TMC1: variants seen among roughly 807,000 people sequenced by gnomAD.
The protein encoded by TMC1 is transmembrane channel-like protein 1.
TMC1 carries 84 observed loss-of-function variants against 105.8 expected under a neutral mutation model. That is an observed-to-expected ratio of 0.79 (90% CI 0.67 to 0.95). The LOEUF (loss-of-function observed/expected upper bound fraction) is 0.95, where lower values mean the gene tolerates loss of function less well. Among genes scored for constraint, TMC1 ranks in the 40% least tolerant of loss-of-function variants. The probability of loss-of-function intolerance (pLI) is 0.00; values close to 1 mark genes in which losing one functional copy is unlikely to be tolerated. For missense variants in TMC1, 817 were observed against 914.1 expected, an observed-to-expected ratio of 0.89 and a Z score of 1.37; for synonymous variants, 315 against 311.5, an observed-to-expected ratio of 1.01 and a Z score of -0.12.
chr9:72,832,640 AT>A lies in TMC1; in HGVS notation c.2260+1959del, dbSNP rs1175778336. On this transcript the variant is annotated intron_variant, in intron 23 of 23. Coordinates refer to ENST00000297784, the MANE Select transcript of TMC1 (RefSeq NM_138691.3). The stretch of plus-strand genomic sequence containing the variant: ...GATGCTGGGTGTCCCCAAACAACAA[AT>A]GTTCAAGACTTGGTTTTGTTGCCTT... Among the ~76,000 whole-genome samples, 3 of 152,000 alleles carry A rather than the reference AT, an allele frequency of 2.0e-5. No homozygotes were observed. The East Asian group carries it at 5.8e-4, about 29-fold the overall frequency.
chr9:72,780,636 CA>C (rs1163996414), intron 13 of TMC1, among the ~76,000 whole-genome samples: 1 of 151,948 alleles, frequency 6.6e-6, no homozygotes, highest in Non-Finnish European at 1.5e-5. Context: ...ATCTATCAAG[CA>C]AACAGAAAAC....
At chr9:72,735,839 A>G (rs1402803240) in intron 8 of TMC1, among the ~76,000 whole-genome samples, 3 of 152,204 alleles carry the variant, frequency 2.0e-5, no homozygotes, top group Admixed American at 2.0e-4. Flanking sequence ...CTTGCTAAAC[A>G]AATATTCTTG....
At chr9:72,616,197 A>T (rs1011762399) in intron 2 of TMC1, 171 bp from the exon 3 acceptor site, 21 of 152,320 alleles carry the variant, frequency 1.4e-4, no homozygotes, top group African/African-American at 5.1e-4. Flanking sequence ...CCTAGCAATG[A>T]TTTAATGCCG....
At chr9:72,674,823 T>C (rs1159800644) in intron 5 of TMC1, among the ~76,000 whole-genome samples, 2 of 152,164 alleles carry the variant, frequency 1.3e-5, no homozygotes, top group Non-Finnish European at 1.5e-5. Context: ...ATGGTCTTTG[T>C]CCATGGAATC....
At chr9:72,782,960 C>T (rs1828116611) in intron 13 of TMC1, among the ~76,000 whole-genome samples, 1 of 151,964 alleles carries the variant, frequency 6.6e-6, no homozygotes, top group African/African-American at 2.4e-5. Context: ...GGAACCCAAA[C>T]ACCCTGAATA....
chr9:72,677,184 T>C (rs1286067901), intron 5 of TMC1, among the ~76,000 whole-genome samples: 1 of 150,456 alleles, frequency 6.6e-6, no homozygotes, highest in Non-Finnish European at 1.5e-5. Flanking sequence ...TCATGGAGGC[T>C]AAAAAGTCTC....
chr9:72,535,241 C>T (rs1311692959), intron 1 of TMC1, among the ~76,000 whole-genome samples: 1 of 152,146 alleles, frequency 6.6e-6, no homozygotes, highest in East Asian at 1.9e-4. Flanking sequence ...TTACAAAGTA[C>T]CCCGATGTCT....
intron 1 of TMC1, among the ~76,000 whole-genome samples, chr9:72,576,733 G>T (rs1177111320): frequency 2.0e-5 from 3 of 150,778 alleles, no homozygotes; most frequent in African/African-American, 4.9e-5. Flanking sequence ...AACTTCAAGC[G>T]ATTCTCCTGC....
At chr9:72,531,806 G>T (rs1823501763) in intron 1 of TMC1, among the ~76,000 whole-genome samples, 1 of 152,234 alleles carries the variant, frequency 6.6e-6, no homozygotes, top group African/African-American at 2.4e-5. Context: ...ATTGGAAAAT[G>T]CCCTCAATTC....
intron 18 of TMC1, among the ~76,000 whole-genome samples, chr9:72,806,298 C>T (rs535801612): frequency 7.6e-4 from 111 of 146,942 alleles, no homozygotes; most frequent in Non-Finnish European, 1.4e-3. Context: ...TAGGGGCAGC[C>T]GGGCAGAGGC....
At chr9:72,706,139 G>A (rs1218689770) in intron 8 of TMC1, among the ~76,000 whole-genome samples, 3 of 152,120 alleles carry the variant, frequency 2.0e-5, no homozygotes, top group African/African-American at 7.2e-5. Context: ...ACAGACCATG[G>A]TTGATTTCCT....
chr9:72,721,622 C>CATAAA (rs1440946137), intron 8 of TMC1, among the ~76,000 whole-genome samples: 11 of 152,152 alleles, frequency 7.2e-5, no homozygotes, highest in Admixed American at 7.2e-4. Flanking sequence ...TAAAACTAAG[C>CATAAA]ACAGGGCCCA....
intron 11 of TMC1, 23 bp downstream of exon 11, chr9:72,751,979 C>A (rs765001441): frequency 2.1e-6 from 3 of 1,416,458 alleles, no homozygotes; most frequent in Non-Finnish European, 3.0e-6. Flanking sequence ...TTCCAGTTTA[C>A]AAAACATGCT....
At chr9:72,718,179 G>C (rs551961160) in intron 8 of TMC1, among the ~76,000 whole-genome samples, 1 of 151,658 alleles carries the variant, frequency 6.6e-6, no homozygotes, top group Non-Finnish European at 1.5e-5. Flanking sequence ...CTTACTACTC[G>C]ACCTTCTGAA....
chr9:72,652,057 C>T (rs1250054575), intron 5 of TMC1, among the ~76,000 whole-genome samples: 2 of 152,148 alleles, frequency 1.3e-5, no homozygotes, highest in African/African-American at 2.4e-5. Context: ...GTCTCCAATT[C>T]ATGCCAACAT....
intron 8 of TMC1, among the ~76,000 whole-genome samples, chr9:72,730,266 CGGCCTGCCCTGGG>C (rs1564518498): frequency 1.3e-5 from 2 of 151,940 alleles, no homozygotes; most frequent in East Asian, 3.9e-4. Context: ...TTAGTTTCTA[CGGCCTGCCCTGGG>C]GAAGGGGAAT....
At chr9:72,671,257 C>A (rs1564481098) in intron 5 of TMC1, among the ~76,000 whole-genome samples, 2 of 152,126 alleles carry the variant, frequency 1.3e-5, no homozygotes, top group African/African-American at 4.8e-5. Context: ...TTCTCCTTGA[C>A]CTTTTGTCGT....
intron 2 of TMC1, among the ~76,000 whole-genome samples, chr9:72,591,865 G>A (rs759725253): frequency 2.6e-5 from 4 of 152,066 alleles, no homozygotes; most frequent in South Asian, 2.1e-4. Context: ...ACCTTGGCAC[G>A]GAAACCTTGT....
intron 7 of TMC1, among the ~76,000 whole-genome samples, chr9:72,698,770 A>C (rs1454639168): frequency 6.6e-6 from 1 of 152,206 alleles, no homozygotes; most frequent in Admixed American, 6.6e-5. Context: ...AGGCCTCTGC[A>C]GAGGGGCTGA....
Sources: allele counts gnomAD v4.1 joint callset (sites outside exome capture counted in the v4.1 genomes callset), GRCh38; gene constraint gnomAD v4.1.1; transcripts MANE v1.5; gene names NCBI Gene and HGNC (gene_info 2026-07-23, HGNC 2026-07-21).